Variants in CPED1 observed in about 807,000 individuals in gnomAD.
The protein encoded by CPED1 is cadherin-like and PC-esterase domain-containing protein 1.
CPED1 carries 114 observed loss-of-function variants against 128.2 expected under a neutral mutation model. The observed-to-expected ratio is 0.89, with a 90% CI of 0.76 to 1.04. The LOEUF is 1.04. Among genes scored for constraint, CPED1 ranks in the 50% least tolerant of loss-of-function variants. The probability of loss-of-function intolerance (pLI) is 0.00; values close to 1 mark genes in which losing one functional copy is unlikely to be tolerated. For synonymous variants in CPED1, 462 were observed against 426.7 expected (o/e 1.08, Z -1.02); for missense variants, 1,211 against 1,207.1 (o/e 1.00, Z -0.05).
chr7:121,099,971 C>A lies in CPED1; in HGVS notation c.795C>A (p.Ala265=). ...VLAPHETIFR[A]EDLSVILKAY... ...CTCCACATGAAACAATCTTTCGAGC[C>A]GAAGATCTATCTGTGATTCTTAAAG... Residue 265 remains alanine, a synonymous_variant, in exon 7 of 23, where the codon GCC becomes GCA. Transcript: ENST00000310396. The A allele has an allele frequency of 6.2e-7, 1 of 1,613,220 alleles. No homozygotes were observed. The highest frequency in any genetic ancestry group is 8.5e-7 in the Non-Finnish European group (1 of 1,179,796).
At chr7:121,059,448 A>G (rs1793592591) in intron 4 of CPED1, among the ~76,000 whole-genome samples, 1 of 152,174 alleles carries the variant, frequency 6.6e-6, no homozygotes, top group African/African-American at 2.4e-5. Flanking sequence ...GTTCAAGTAA[A>G]AGCATGAACA....
At chr7:121,107,124 A>C (rs1167770556) in intron 7 of CPED1, among the ~76,000 whole-genome samples, 1 of 152,122 alleles carries the variant, frequency 6.6e-6, no homozygotes, top group Non-Finnish European at 1.5e-5. Context: ...AAGGATTGTT[A>C]AGATGGATCT....
chr7:121,022,236 T>C (rs1443978817), intron 3 of CPED1, among the ~76,000 whole-genome samples: 1 of 152,040 alleles, frequency 6.6e-6, no homozygotes, highest in African/African-American at 2.4e-5. Flanking sequence ...AGGAAACTCA[T>C]ATTAAACTTA....
intron 16 of CPED1, among the ~76,000 whole-genome samples, chr7:121,198,436 A>G (rs1584589635): frequency 6.6e-6 from 1 of 152,166 alleles, no homozygotes. Flanking sequence ...TTTTCATTGC[A>G]GTTTTCCTCA....
intron 22 of CPED1, among the ~76,000 whole-genome samples, chr7:121,279,350 G>A (rs902383561): frequency 6.6e-6 from 1 of 151,686 alleles, no homozygotes; most frequent in Non-Finnish European, 1.5e-5. Flanking sequence ...ATGAAGTACA[G>A]ACTAAATGAG....
intron 18 of CPED1, among the ~76,000 whole-genome samples, chr7:121,262,260 C>T (rs1792036788): frequency 6.6e-6 from 1 of 152,040 alleles, no homozygotes. Flanking sequence ...GCCTGCAGAA[C>T]TGTGAGCCAA....
Position 121,166,645 on chromosome 7 carries a change from A to G in CPED1, c.2055+24504A>G, listed in dbSNP as rs544835892. Among the ~76,000 whole-genome samples, 4 of 152,278 alleles carry G rather than the reference A, an allele frequency of 2.6e-5. No individual in the cohort carries two copies. The South Asian group carries it at 8.3e-4, about 32-fold the overall frequency. On this transcript the variant is annotated intron_variant, in intron 16 of 22. Transcript: ENST00000310396. ...CCCTGCCAGTTCCCAAAGGATATTT[A>G]TCTTAGAATTTTAAGAGGTAAAATT...
At chr7:121,194,774 G>A (rs1230711761) in intron 16 of CPED1, among the ~76,000 whole-genome samples, 2 of 151,788 alleles carry the variant, frequency 1.3e-5, no homozygotes, top group Admixed American at 1.3e-4. Flanking sequence ...TTTGTTTTTT[G>A]TTTTTCTGTT....
chr7:121,061,896 G>A (rs2116041386), intron 4 of CPED1, among the ~76,000 whole-genome samples: 1 of 152,208 alleles, frequency 6.6e-6, no homozygotes, highest in African/African-American at 2.4e-5. Flanking sequence ...TTACTTCTTT[G>A]TGCTGTTATT....
intron 3 of CPED1, among the ~76,000 whole-genome samples, chr7:121,018,875 A>G (rs1194581786): frequency 6.6e-6 from 1 of 152,094 alleles, no homozygotes; most frequent in African/African-American, 2.4e-5. Context: ...CTGCAATCAA[A>G]CTACAGAATT....
At chr7:121,022,441 C>G (rs1030596683) in intron 3 of CPED1, among the ~76,000 whole-genome samples, 9 of 151,892 alleles carry the variant, frequency 5.9e-5, no homozygotes, top group Admixed American at 5.9e-4. Flanking sequence ...TTACTCTTGC[C>G]TTGCTTTCAA....
intron 7 of CPED1, among the ~76,000 whole-genome samples, chr7:121,104,067 A>G (rs942230840): frequency 6.6e-6 from 1 of 152,154 alleles, no homozygotes; most frequent in African/African-American, 2.4e-5. Flanking sequence ...ACCTAAAATC[A>G]GAGGAAGTTT....
In CPED1 at chr7:121,253,324, T is replaced by TG. The variant is rs1562851659; in HGVS notation, c.2310+8992dup. 8.0e-5 allele frequency among the ~76,000 whole-genome samples: 4 copies of TG among 49,840 alleles called. No individual in the cohort carries two copies. In the South Asian group the frequency reaches 3.0e-3, roughly 37 times the overall value. The allele number at this position is 49,840 out of a possible 152,430, so 32.7% of individuals were successfully genotyped here. A position where few individuals can be genotyped will look rare whatever the true frequency, so the allele number is the denominator to read the frequency against. ...CCGAGGACGGTTGTGGGGTGGGGGG[T>TG]GGGGGGAGGGATAGCATTAGGAGAT... On this transcript the variant is annotated intron_variant, in intron 18 of 22. Coordinates refer to ENST00000310396, the MANE Select transcript of CPED1 (RefSeq NM_024913.5).
chr7:121,288,564 C>T (rs1445258698), intron 22 of CPED1, among the ~76,000 whole-genome samples: 1 of 152,198 alleles, frequency 6.6e-6, no homozygotes, highest in Non-Finnish European at 1.5e-5. Flanking sequence ...TACGCTTCAG[C>T]AGTTACACTG....
intron 7 of CPED1, among the ~76,000 whole-genome samples, chr7:121,102,834 C>T (rs1284896718): frequency 2.0e-5 from 3 of 152,112 alleles, no homozygotes; most frequent in Non-Finnish European, 2.9e-5. Context: ...CTGACCGTGG[C>T]TACCACTGGT....
intron 6 of CPED1, among the ~76,000 whole-genome samples, chr7:121,099,072 T>C (rs1339856275): frequency 2.0e-5 from 3 of 151,254 alleles, no homozygotes; most frequent in African/African-American, 7.3e-5. Context: ...CTTCATTATC[T>C]GGGAGTAGGG....
chr7:121,150,661 C>T (rs1796136180), intron 16 of CPED1, among the ~76,000 whole-genome samples: 1 of 152,110 alleles, frequency 6.6e-6, no homozygotes, highest in Non-Finnish European at 1.5e-5. Flanking sequence ...AATTTACATT[C>T]CCACCAACAG....
chr7:121,290,599 T>C (rs1442531144), intron 22 of CPED1, among the ~76,000 whole-genome samples: 1 of 152,264 alleles, frequency 6.6e-6, no homozygotes, highest in African/African-American at 2.4e-5. Context: ...GCCACATAAA[T>C]GTCTTCTTTT....
chr7:121,100,139 G>A (rs770238716), intron 7 of CPED1, 45 bp downstream of exon 7: 2 of 1,565,402 alleles, frequency 1.3e-6, no homozygotes, highest in Admixed American at 3.5e-5. Context: ...GTACACTGAA[G>A]TAAAGTAAAG....
Sources: allele counts gnomAD v4.1 joint callset (sites outside exome capture counted in the v4.1 genomes callset), GRCh38; gene constraint gnomAD v4.1.1; transcripts MANE v1.5; gene names NCBI Gene and HGNC (gene_info 2026-07-23, HGNC 2026-07-21).